Variants in MYO1D observed in about 807,000 individuals in gnomAD.
The protein encoded by MYO1D is unconventional myosin-Id.
In MYO1D, 83 loss-of-function variants were observed where a neutral mutation model predicts 122.0. The observed-to-expected ratio is 0.68, with a 90% confidence interval of 0.57 to 0.82. MYO1D has a LOEUF of 0.82. MYO1D is among the 40% of genes least tolerant of loss of function. The probability of loss-of-function intolerance (pLI) is 0.00; values close to 1 mark genes in which losing one functional copy is unlikely to be tolerated. For synonymous variants in MYO1D, 464 were observed against 446.9 expected, an observed-to-expected ratio of 1.04 and a Z score of -0.48; for missense variants, 1,157 against 1,269.5, an observed-to-expected ratio of 0.91 and a Z score of 1.35.
At chr17:32,657,867 A>G (rs1044406659) in intron 17 of MYO1D, among the ~76,000 whole-genome samples, 4 of 152,358 alleles carry the variant, frequency 2.6e-5, no homozygotes, top group South Asian at 2.1e-4. Context: ...ATCAAAATCA[A>G]TAACAATCTC....
At chr17:32,553,606 C>T (rs2087042226) in intron 21 of MYO1D, among the ~76,000 whole-genome samples, 1 of 152,124 alleles carries the variant, frequency 6.6e-6, no homozygotes, top group Non-Finnish European at 1.5e-5. Flanking sequence ...AAGACCATTC[C>T]CTCTCCTTGA....
At chr17:32,832,020 T>C (rs543476126) in intron 1 of MYO1D, among the ~76,000 whole-genome samples, 3 of 152,310 alleles carry the variant, frequency 2.0e-5, no homozygotes, top group Admixed American at 6.5e-5. Context: ...ATCATCTCAC[T>C]AGGATTCTGC....
chr17:32,506,135 GA>G (rs1427857873), intron 21 of MYO1D, among the ~76,000 whole-genome samples: 1 of 152,248 alleles, frequency 6.6e-6, no homozygotes, highest in Non-Finnish European at 1.5e-5. Context: ...GTCTTGTAAA[GA>G]ATTGCTGCGA....
At chr17:32,555,062 G>C (rs1313800190) in intron 21 of MYO1D, among the ~76,000 whole-genome samples, 1 of 152,124 alleles carries the variant, frequency 6.6e-6, no homozygotes, top group African/African-American at 2.4e-5. Context: ...AACAATTACG[G>C]ATATGAATAA....
intron 21 of MYO1D, among the ~76,000 whole-genome samples, chr17:32,522,089 A>G (rs967377236): frequency 4.7e-5 from 7 of 149,582 alleles, no homozygotes; most frequent in Non-Finnish European, 6.0e-5. Flanking sequence ...CTCAAAAAAA[A>G]AAAAAAAAAA....
intron 10 of MYO1D, among the ~76,000 whole-genome samples, chr17:32,759,521 A>C (rs1375998995): frequency 6.6e-6 from 1 of 152,212 alleles, no homozygotes; most frequent in Non-Finnish European, 1.5e-5. Context: ...CAAACTACAG[A>C]AACTTAAAAG....
intron 14 of MYO1D, 65 bp from the exon 15 acceptor site, chr17:32,721,254 C>T (rs1429347227): frequency 7.0e-7 from 1 of 1,429,060 alleles, no homozygotes; most frequent in Non-Finnish European, 9.8e-7. Flanking sequence ...GGGACACTAA[C>T]ATGTAATTAG....
At chr17:32,780,889 A>G (rs972198441) in intron 1 of MYO1D, 105 bp from the exon 2 acceptor site, 19 of 1,125,732 alleles carry the variant, frequency 1.7e-5, no homozygotes, top group South Asian at 1.5e-4. Flanking sequence ...TATCCTAGGA[A>G]TGATTTCTGA....
intron 1 of MYO1D, among the ~76,000 whole-genome samples, chr17:32,861,969 G>A (rs1284462794): frequency 6.6e-6 from 1 of 152,180 alleles, no homozygotes; most frequent in Non-Finnish European, 1.5e-5. Context: ...AGTGAGCTGA[G>A]ATTGTGCCAC....
intron 16 of MYO1D, among the ~76,000 whole-genome samples, chr17:32,688,633 AAAAC>A (rs567072704): frequency 5.9e-5 from 9 of 152,358 alleles, no homozygotes; most frequent in African/African-American, 1.7e-4. Flanking sequence ...GGGTTCAGTA[AAAAC>A]AAACAATGTC....
intron 21 of MYO1D, chr17:32,513,030 G>T (rs1460815975): frequency 6.6e-6 from 1 of 152,220 alleles, no homozygotes; most frequent in African/African-American, 2.4e-5. Flanking sequence ...AAATTGACTT[G>T]TTTGATACTT....
At chr17:32,840,973 G>A (rs1274391780) in intron 1 of MYO1D, among the ~76,000 whole-genome samples, 2 of 152,092 alleles carry the variant, frequency 1.3e-5, no homozygotes, top group Non-Finnish European at 2.9e-5. Flanking sequence ...AATGGTATTC[G>A]ATAAATTACA....
intron 21 of MYO1D, among the ~76,000 whole-genome samples, chr17:32,506,651 G>A (rs1325482535): frequency 6.6e-6 from 1 of 152,226 alleles, no homozygotes; most frequent in Non-Finnish European, 1.5e-5. Context: ...AGTAAACCTA[G>A]ATGTGCAAAC....
chr17:32,739,142 T>C (rs1273102416), intron 13 of MYO1D, among the ~76,000 whole-genome samples: 1 of 152,174 alleles, frequency 6.6e-6, no homozygotes, highest in Non-Finnish European at 1.5e-5. Context: ...TCATTTTGGG[T>C]GCTTTTGATG....
At chr17:32,849,503 A>C (rs1455724758) in intron 1 of MYO1D, among the ~76,000 whole-genome samples, 1 of 151,180 alleles carries the variant, frequency 6.6e-6, no homozygotes, top group African/African-American at 2.5e-5. Flanking sequence ...GGATGAGTTC[A>C]TGTCCTTTGT....
At chr17:32,796,205 C>T (rs1226833778) in intron 1 of MYO1D, among the ~76,000 whole-genome samples, 1 of 152,062 alleles carries the variant, frequency 6.6e-6, no homozygotes, top group Non-Finnish European at 1.5e-5. Context: ...ATTATGGTAA[C>T]ATTTGGCTAC....
At chr17:32,874,630 T>C (rs1247520397) in intron 1 of MYO1D, among the ~76,000 whole-genome samples, 2 of 152,118 alleles carry the variant, frequency 1.3e-5, no homozygotes, top group Non-Finnish European at 2.9e-5. Flanking sequence ...TAGAATTAAA[T>C]TGCAGCATTC....
At chr17:32,582,543 T>G (rs1004175296) in intron 21 of MYO1D, among the ~76,000 whole-genome samples, 2 of 152,140 alleles carry the variant, frequency 1.3e-5, no homozygotes, top group Non-Finnish European at 2.9e-5. Context: ...TACATAATAT[T>G]TACTGTAACT....
intron 21 of MYO1D, among the ~76,000 whole-genome samples, chr17:32,562,165 TTTG>T (rs2150890935): frequency 6.6e-6 from 1 of 151,932 alleles, no homozygotes; most frequent in South Asian, 2.1e-4. Flanking sequence ...TAAGTAAGTT[TTTG>T]TATTTTTTTG....
Sources: gnomAD v4.1 joint callset for allele counts (sites outside exome capture counted in the v4.1 genomes callset) on GRCh38, gnomAD v4.1.1 for gene constraint, MANE v1.5 for transcripts, NCBI Gene and HGNC (gene_info 2026-07-23, HGNC 2026-07-21) for gene names.